Variants in SORBS2 observed in about 807,000 individuals in gnomAD.
SORBS2 encodes sorbin and SH3 domain containing 2, also known as sorbin and SH3 domain-containing protein 2.
Under a neutral mutation model 97.7 loss-of-function variants are expected in SORBS2, and 46 were observed. The observed-to-expected ratio is 0.47, with a 90% confidence interval of 0.37 to 0.60. The LOEUF (loss-of-function observed/expected upper bound fraction) is 0.60. SORBS2 is among the 20% of genes least tolerant of loss of function. The probability of loss-of-function intolerance (pLI) is 0.00; values close to 1 mark genes in which losing one functional copy is unlikely to be tolerated. For synonymous variants in SORBS2, 476 were observed against 473.4 expected, an observed-to-expected ratio of 1.01 and a Z score of -0.07; for missense variants, 1,316 against 1,282.3, an observed-to-expected ratio of 1.03 and a Z score of -0.40.
chr4:185,749,052 G>A (rs889718004), intron 2 of SORBS2, among the ~76,000 whole-genome samples: 1 of 152,190 alleles, frequency 6.6e-6, no homozygotes, highest in Non-Finnish European at 1.5e-5. Flanking sequence ...TGCTGTTTTG[G>A]CTTTTAAAAA....
chr4:185,889,062 A>G (rs985925415), intron 1 of SORBS2, among the ~76,000 whole-genome samples: 1 of 151,928 alleles, frequency 6.6e-6, no homozygotes, highest in African/African-American at 2.4e-5. Context: ...CCTCTTTTTC[A>G]CCTAACACCT....
At chr4:185,661,178 A>G (rs2097512277), upstream of SORBS2, among the ~76,000 whole-genome samples, 1 of 151,624 alleles carries the variant, frequency 6.6e-6, no homozygotes, top group Admixed American at 6.6e-5. Flanking sequence ...CAGGAGGCTG[A>G]GGCAGGAGCA....
chr4:185,731,829 TCTTTCTCTC>T (rs2098635986), intron 2 of SORBS2, among the ~76,000 whole-genome samples: 1 of 81,552 alleles, frequency 1.2e-5, no homozygotes, highest in African/African-American at 5.2e-5. Flanking sequence ...CCTGTCTCTC[TCTTTCTCTC>T]TCTCTCTCTC....
At chr4:185,859,859 C>T (rs1161573262) in intron 1 of SORBS2, among the ~76,000 whole-genome samples, 1 of 152,036 alleles carries the variant, frequency 6.6e-6, no homozygotes, top group Non-Finnish European at 1.5e-5. Context: ...GCAATTAGTT[C>T]CAAAAGCAGG....
intron 1 of SORBS2, among the ~76,000 whole-genome samples, chr4:185,862,856 T>A (rs1159070420): frequency 6.6e-6 from 1 of 152,142 alleles, no homozygotes; most frequent in Non-Finnish European, 1.5e-5. Context: ...CACCTCTGGA[T>A]TGGTGGTTAA....
At chr4:185,605,573 G>A (rs940131087) in intron 12 of SORBS2, among the ~76,000 whole-genome samples, 1 of 151,866 alleles carries the variant, frequency 6.6e-6, no homozygotes, top group Non-Finnish European at 1.5e-5. Context: ...GTAAGCCACC[G>A]CAGCTGGCCT....
chr4:185,897,284 C>T (rs939167756), intron 1 of SORBS2, among the ~76,000 whole-genome samples: 12 of 152,158 alleles, frequency 7.9e-5, no homozygotes, highest in African/African-American at 2.7e-4. Flanking sequence ...GTATGAGATC[C>T]GATTCCAGAG....
intron 6 of SORBS2, among the ~76,000 whole-genome samples, chr4:185,624,810 T>C (rs1417928124): frequency 6.6e-6 from 1 of 152,368 alleles, no homozygotes; most frequent in African/African-American, 2.4e-5. Context: ...TCTGACAATA[T>C]TGTTTGCCAA....
chr4:185,805,335 A>T (rs1471581020), intron 1 of SORBS2, among the ~76,000 whole-genome samples: 1 of 152,022 alleles, frequency 6.6e-6, no homozygotes, highest in Non-Finnish European at 1.5e-5. Context: ...CTGAATTGTC[A>T]CTTTATCTGT....
chr4:185,639,170 G>A (rs2097085489), intron 4 of SORBS2, 135 bp from the exon 14 acceptor site: 1 of 778,716 alleles, frequency 1.3e-6, no homozygotes, highest in African/African-American at 1.8e-5. Context: ...AGTGTCCCTA[G>A]GGACCCAGAC....
chr4:185,598,003 G>A (rs1363443566), intron 12 of SORBS2, among the ~76,000 whole-genome samples: 1 of 152,040 alleles, frequency 6.6e-6, no homozygotes, highest in Non-Finnish European at 1.5e-5. Context: ...TTTTTGGTCC[G>A]TGTCCATTTC....
At chr4:185,790,157 A>T (rs1033423616) in intron 1 of SORBS2, among the ~76,000 whole-genome samples, 2 of 151,764 alleles carry the variant, frequency 1.3e-5, no homozygotes, top group African/African-American at 2.4e-5. Flanking sequence ...GGATTTATTC[A>T]GGATATGAGA....
chr4:185,940,806 T>C (rs1046532534), intron 1 of SORBS2, among the ~76,000 whole-genome samples: 8 of 152,252 alleles, frequency 5.3e-5, no homozygotes, highest in African/African-American at 1.9e-4. Context: ...AGTCTGTTCC[T>C]GTTTTTCTTT....
chr4:185,867,168 C>A (rs147317605), intron 1 of SORBS2, among the ~76,000 whole-genome samples: 7,990 of 152,150 alleles, frequency 0.053, 253 homozygotes, highest in African/African-American at 0.09. Flanking sequence ...TGCACCACCA[C>A]ACTCGGCTAA....
At chr4:185,800,495 T>G (rs577276746) in intron 1 of SORBS2, among the ~76,000 whole-genome samples, 1 of 152,062 alleles carries the variant, frequency 6.6e-6, no homozygotes, top group South Asian at 2.1e-4. Flanking sequence ...GAGGTCACAG[T>G]CTCCCCTCTG....
chr4:185,715,237 C>G (rs913486139), intron 2 of SORBS2, among the ~76,000 whole-genome samples: 3 of 152,128 alleles, frequency 2.0e-5, no homozygotes, highest in African/African-American at 7.2e-5. Context: ...GCTGATGTAA[C>G]AGGCATAAAA....
intron 1 of SORBS2, among the ~76,000 whole-genome samples, chr4:185,792,295 A>G (rs773228479): frequency 1.3e-5 from 2 of 152,160 alleles, no homozygotes; most frequent in Non-Finnish European, 2.9e-5. Flanking sequence ...AGAGTTTGAA[A>G]CCAGCCTGGC....
intron 4 of SORBS2, chr4:185,665,796 G>C: frequency 1.8e-6 from 2 of 1,107,236 alleles, no homozygotes; most frequent in South Asian, 4.5e-5. Context: ...GACCCCAGGT[G>C]GGGGAGGGTG....
At chr4:185,855,523 T>C (rs1163395503) in intron 1 of SORBS2, among the ~76,000 whole-genome samples, 1 of 152,170 alleles carries the variant, frequency 6.6e-6, no homozygotes, top group East Asian at 1.9e-4. Context: ...CCTTGGCTGC[T>C]AATCAAGGGC....
Sources: allele counts gnomAD v4.1 joint callset (sites outside exome capture counted in the v4.1 genomes callset), GRCh38; gene constraint gnomAD v4.1.1; transcripts MANE v1.5; gene names NCBI Gene and HGNC (gene_info 2026-07-23, HGNC 2026-07-21).